BBC3: variants seen among roughly 807,000 people sequenced by gnomAD.
BBC3 encodes the protein BCL2 binding component 3.
BBC3 carries 5 observed loss-of-function variants against 18.2 expected under a neutral mutation model. The ratio of observed to expected loss-of-function variants is 0.27; its 90% confidence interval spans 0.14 to 0.58. The LOEUF is 0.58. BBC3 is among the 20% of genes least tolerant of loss of function. The pLI, the probability that BBC3 is intolerant of heterozygous loss-of-function variation, is 0.91. For synonymous variants in BBC3, 119 were observed against 128.0 expected (o/e 0.93, Z 0.47); for missense variants, 224 against 268.9 (o/e 0.83, Z 1.17).
At chr19:47,224,027 G>A (rs958185553) in intron 3 of BBC3, among the ~76,000 whole-genome samples, 1 of 152,166 alleles carries the variant, frequency 6.6e-6, no homozygotes. Flanking sequence ...GGGCGCAGTG[G>A]CTTACACCTG....
At chr19:47,231,492 G>A (rs2058915268), upstream of BBC3, among the ~76,000 whole-genome samples, 1 of 151,510 alleles carries the variant, frequency 6.6e-6, no homozygotes, top group Non-Finnish European at 1.5e-5. This position sits in a 1 kb window ranked among gnomAD's most constrained non-coding sequence, Gnocchi z 4.0. Context: ...CACACACACT[G>A]ACTGGGACCC....
At chr19:47,222,963 CA>C (rs763480070) in intron 3 of BBC3, among the ~76,000 whole-genome samples, 788 of 60,460 alleles carry the variant, frequency 0.013, 8 homozygotes, top group African/African-American at 0.048. Context: ...AACTCTGTCT[CA>C]AAAAAAAAAA....
upstream of BBC3, chr19:47,232,625 C>T (rs1217422675): frequency 2.9e-5 from 44 of 1,519,642 alleles, no homozygotes; most frequent in African/African-American, 1.8e-4. Flanking sequence ...CTTTCCATTC[C>T]GTTTCTTTTT....
chr19:47,232,570 A>G, upstream of BBC3: 1 of 1,548,148 alleles, frequency 6.5e-7, no homozygotes, highest in Non-Finnish European at 8.7e-7. Context: ...CCTGGCATGG[A>G]CATGCCTGGG....
chr19:47,222,038 C>T lies in BBC3; in HGVS notation c.466-120G>A, dbSNP rs1028691090. ...TCGCCCACCCTATTCCAGCTCCTCC[C>T]CCCGCCTGGGCTAATGTCCATGTCT... On this transcript the variant is annotated intron_variant, in intron 3 of 3. Coordinates refer to ENST00000439096, the MANE Select transcript of BBC3 (RefSeq NM_014417.5). 1.8e-5 allele frequency: 16 copies of T among 891,964 alleles called. No homozygotes were observed. In the South Asian group the frequency reaches 3.1e-4, roughly 17 times the overall value. The allele number at this position is 891,964 out of a possible 1,614,324, so 55.3% of individuals were successfully genotyped here.
Position 47,228,068 on chromosome 19 carries a change from C to G in BBC3, c.274+90G>C, listed in dbSNP as rs1388044297. 3.7e-6 allele frequency: 4 copies of G among 1,069,214 alleles called. No individual in the cohort carries two copies. The African/African-American group carries it at 6.6e-5, about 18-fold the overall frequency. 66.2% of individuals were successfully genotyped at this position (1,069,214 alleles called of 1,614,324 possible). A position where few individuals can be genotyped will look rare whatever the true frequency, so the allele number is the denominator to read the frequency against. On this transcript the variant is annotated intron_variant, in intron 2 of 3. Coordinates refer to ENST00000439096, the MANE Select transcript of BBC3 (RefSeq NM_014417.5). This position sits in a 1 kb window ranked among gnomAD's most constrained non-coding sequence, Gnocchi z 5.5. ...GGCCCGGCTGGGCCCGCCACCTCCC[C>G]CCGTCCTCTCCCACTTCTCCAGTTC...
chr19:47,227,705 T>A (rs1163465582), intron 2 of BBC3, among the ~76,000 whole-genome samples: 1 of 151,244 alleles, frequency 6.6e-6, no homozygotes. Flanking sequence ...CCCCTCTCCT[T>A]CCTCCGCCGG....
chr19:47,232,602 T>C (rs781070988), upstream of BBC3: 163 of 1,531,620 alleles, frequency 1.1e-4, 2 homozygotes, highest in South Asian at 6.7e-4. Context: ...CCAAATTTCA[T>C]CCTGTCTCAT....
Position 47,223,227 on chromosome 19 carries a change from C to T in BBC3, c.466-1309G>A, listed in dbSNP as rs372201104. Among the ~76,000 whole-genome samples, 1,335 of 149,890 alleles carry T rather than the reference C, an allele frequency of 8.9e-3. 8 individuals are homozygous for T. The highest frequency in any genetic ancestry group is 0.013 in the Non-Finnish European group (906 of 67,568). Reference sequence around the variant, plus strand: ...TGGAGCTTGCAGTGAGCCGAGATGGCGCCACTGCACTCCAGCCTGGGTGAC... The same window carrying T: ...TGGAGCTTGCAGTGAGCCGAGATGGTGCCACTGCACTCCAGCCTGGGTGAC... On this transcript the variant is annotated intron_variant, in intron 3 of 3. Coordinates refer to ENST00000439096, the MANE Select transcript of BBC3 (RefSeq NM_014417.5).
upstream of BBC3, among the ~76,000 whole-genome samples, chr19:47,231,393 G>A (rs1458003819): frequency 9.2e-5 from 14 of 152,114 alleles, no homozygotes; most frequent in Admixed American, 6.5e-5. The surrounding 1 kb of genome is among the most constrained non-coding windows in gnomAD (Gnocchi z 4.0). Context: ...TGCAGCGGGG[G>A]ACGGGGCAGG....
chr19:47,226,547 C>A lies in BBC3; in HGVS notation c.465+17G>T. On this transcript the variant is annotated intron_variant, in intron 3 of 3. Coordinates refer to ENST00000439096, the MANE Select transcript of BBC3 (RefSeq NM_014417.5). ...GCGGAAGTCCCACCTGCCGTCTACC[C>A]CACCCCCAGCACTCACCCGCCGCTC... 6.6e-7 allele frequency: 1 copy of A among 1,518,472 alleles called. No individual in the cohort carries two copies. Among genetic ancestry groups the A allele is most frequent in the South Asian group, 1.2e-5 (1 of 81,362 alleles). 94.1% of individuals were successfully genotyped at this position (1,518,472 alleles called of 1,614,324 possible).
At chr19:47,229,005 C>G (rs2058876668) in intron 1 of BBC3, among the ~76,000 whole-genome samples, 1 of 152,024 alleles carries the variant, frequency 6.6e-6, no homozygotes, top group African/African-American at 2.4e-5. Flanking sequence ...TACACACACA[C>G]CCCCGACCAA....
At chr19:47,222,946 A>C (rs547232236) in intron 3 of BBC3, among the ~76,000 whole-genome samples, 1 of 136,686 alleles carries the variant, frequency 7.3e-6, no homozygotes, top group East Asian at 2.2e-4. Context: ...AGCCTGGGCA[A>C]GAGCAAAACT....
chr19:47,232,627 T>C, upstream of BBC3: 1 of 1,520,626 alleles, frequency 6.6e-7, no homozygotes, highest in Non-Finnish European at 8.9e-7. Context: ...TTCCATTCCG[T>C]TTCTTTTTCA....
intron 3 of BBC3, chr19:47,222,594 T>G (rs2058763812): frequency 6.6e-6 from 1 of 152,210 alleles, no homozygotes. Context: ...CCCAGCACTT[T>G]GAGAGGCCAA....
In BBC3 at chr19:47,231,002, G is replaced by T; in HGVS notation, c.-89C>A. On this transcript the variant is annotated 5_prime_UTR_variant, in exon 1 of 4. Transcript: ENST00000439096. This position sits in a 1 kb window ranked among gnomAD's most constrained non-coding sequence, Gnocchi z 4.0. ...CTTCCTTCAGGAGGGCGCGCCCGCC[G>T]AGCGCCGCTCTCCGCGGCGGCTGCT... 1 of 986,114 alleles carries T rather than the reference G, an allele frequency of 1.0e-6. No homozygotes were observed. Among genetic ancestry groups the T allele is most frequent in the South Asian group, 4.6e-5 (1 of 21,964 alleles). The allele number at this position is 986,114 out of a possible 1,614,324, so 61.1% of individuals were successfully genotyped here. A position where few individuals can be genotyped will look rare whatever the true frequency, so the allele number is the denominator to read the frequency against.
Position 47,228,482 on chromosome 19 carries a change from AAG to A in BBC3, c.-15-38_-15-37del. 8.1e-7 allele frequency: 1 copy of A among 1,230,682 alleles called. No individual in the cohort carries two copies. Among genetic ancestry groups the A allele is most frequent in the Non-Finnish European group, 1.0e-6 (1 of 987,002 alleles). 76.2% of individuals were successfully genotyped at this position (1,230,682 alleles called of 1,614,324 possible). ...CGGGAGGAGGAGCAGGTCAGCAGGG[AAG>A]TACCAGGGCCCACTGTACCTCCAGC... On this transcript the variant is annotated intron_variant, in intron 1 of 3. Transcript: ENST00000439096. The surrounding 1 kb of genome is among the most constrained non-coding windows in gnomAD (Gnocchi z 5.5).
rs746526541 is a variant in BBC3 at position 47,221,652 on chromosome 19, G to C, written c.*150C>G. On this transcript the variant is annotated 3_prime_UTR_variant, in exon 4 of 4. Coordinates refer to ENST00000439096, the MANE Select transcript of BBC3 (RefSeq NM_014417.5). Reference sequence around the variant, plus strand: ...CCCCAGGCTGGGCTGGGGCTGGAGTGGCTGCCCCGGCCCGCCCCCGGGACA... The same window carrying C: ...CCCCAGGCTGGGCTGGGGCTGGAGTCGCTGCCCCGGCCCGCCCCCGGGACA... The C allele has an allele frequency of 1.6e-5, 24 of 1,484,006 alleles. No homozygotes were observed. The highest frequency in any genetic ancestry group is 2.2e-5 in the Non-Finnish European group (24 of 1,109,612). The allele number at this position is 1,484,006 out of a possible 1,614,324, so 91.9% of individuals were successfully genotyped here. A position where few individuals can be genotyped will look rare whatever the true frequency, so the allele number is the denominator to read the frequency against.
At chr19:47,226,431 C>A (rs1030356520) in intron 3 of BBC3, 133 bp downstream of exon 3, 18 of 295,072 alleles carry the variant, frequency 6.1e-5, no homozygotes, top group East Asian at 1.6e-4. Flanking sequence ...CACCCACTTA[C>A]CCCCCACCTG....
Sources: gnomAD v4.1 joint callset for allele counts (sites outside exome capture counted in the v4.1 genomes callset) on GRCh38, gnomAD v4.1.1 for gene constraint, Gnocchi (gnomAD v3.1) non-coding constraint, MANE v1.5 for transcripts, NCBI Gene and HGNC (gene_info 2026-07-23, HGNC 2026-07-21) for gene names.